Variants in CBLN2 observed in about 807,000 individuals in gnomAD.
The protein encoded by CBLN2 is cerebellin-2.
CBLN2 carries 7 observed loss-of-function variants against 15.0 expected under a neutral mutation model. The ratio of observed to expected loss-of-function variants is 0.47; its 90% CI spans 0.27 to 0.88. The LOEUF (loss-of-function observed/expected upper bound fraction) is 0.88. Among genes scored for constraint, CBLN2 ranks in the 40% least tolerant of loss-of-function variants. The pLI, the probability that CBLN2 is intolerant of heterozygous loss-of-function variation, is 0.14. For missense variants in CBLN2, 242 were observed against 304.5 expected (o/e 0.79, Z 1.53); for synonymous variants, 149 against 135.2 (o/e 1.10, Z -0.71).
intron 1 of CBLN2, among the ~76,000 whole-genome samples, chr18:72,568,521 T>C (rs1164878353): frequency 2.0e-5 from 3 of 151,764 alleles, no homozygotes; most frequent in Non-Finnish European, 4.4e-5. Context: ...CAAGCCAGTC[T>C]TTAAAGTAAT....
chr18:72,601,463 T>G (rs930855758), intron 1 of CBLN2, among the ~76,000 whole-genome samples: 2 of 152,050 alleles, frequency 1.3e-5, no homozygotes, highest in African/African-American at 4.8e-5. Flanking sequence ...GGAAATAGAT[T>G]CCCCTTACAC....
chr18:72,625,698 C>CTA (rs1169851043), intron 1 of CBLN2, among the ~76,000 whole-genome samples: 4,891 of 46,314 alleles, frequency 0.11, 130 homozygotes, highest in African/African-American at 0.14. Flanking sequence ...TATAGTATTA[C>CTA]TATATATATA....
intron 1 of CBLN2, among the ~76,000 whole-genome samples, chr18:72,564,289 G>A (rs903384732): frequency 6.6e-6 from 1 of 152,044 alleles, no homozygotes; most frequent in African/African-American, 2.4e-5. Flanking sequence ...AATGCACATA[G>A]ACAGTTCAAT....
At chr18:72,563,844 C>T (rs939004928) in intron 1 of CBLN2, among the ~76,000 whole-genome samples, 11 of 152,202 alleles carry the variant, frequency 7.2e-5, no homozygotes, top group African/African-American at 2.7e-4. Flanking sequence ...CCCAGCAACT[C>T]ACTCCCAATG....
chr18:72,624,856 G>A (rs1041688256), intron 1 of CBLN2, among the ~76,000 whole-genome samples: 2 of 152,098 alleles, frequency 1.3e-5, no homozygotes, highest in Non-Finnish European at 2.9e-5. Context: ...GGGAGAAGAA[G>A]ACTTTAATAA....
At chr18:72,622,956 G>A (rs747407679) in intron 1 of CBLN2, among the ~76,000 whole-genome samples, 1 of 152,050 alleles carries the variant, frequency 6.6e-6, no homozygotes, top group Non-Finnish European at 1.5e-5. Context: ...GAACTACCTG[G>A]GACTGGGTAA....
intron 1 of CBLN2, among the ~76,000 whole-genome samples, chr18:72,568,503 G>A (rs2069310918): frequency 1.3e-5 from 2 of 151,554 alleles, no homozygotes; most frequent in Admixed American, 1.3e-4. Flanking sequence ...AGATTTTCAT[G>A]AATTTTGCAA....
chr18:72,542,912 CACACA>C (rs2069128548), intron 2 of CBLN2: 1 of 19,338 alleles, frequency 5.2e-5, no homozygotes, highest in African/African-American at 1.9e-4. Flanking sequence ...AATGACACCA[CACACA>C]CACACACACA....
At chr18:72,635,624 A>T (rs1468330192) in intron 1 of CBLN2, among the ~76,000 whole-genome samples, 1 of 152,190 alleles carries the variant, frequency 6.6e-6, no homozygotes, top group Admixed American at 6.5e-5. Flanking sequence ...ATTTTTTAGG[A>T]AAATAAATAT....
chr18:72,542,291 G>A lies in CBLN2; in HGVS notation c.-131C>T. The A allele has an allele frequency of 2.1e-6, 1 of 468,682 alleles. No individual in the cohort carries two copies. The highest frequency in any genetic ancestry group is 2.1e-5 in the African/African-American group (1 of 47,842). 29.0% of individuals were successfully genotyped at this position (468,682 alleles called of 1,614,324 possible). ...TTCGTCCCCGGCTCTGACGTTCAAG[G>A]CCAGGGTCGTTCTCAGAAGAAAGGC... On this transcript the variant is annotated 5_prime_UTR_variant, in exon 3 of 5. Coordinates refer to ENST00000269503, the MANE Select transcript of CBLN2 (RefSeq NM_182511.4).
intron 1 of CBLN2, among the ~76,000 whole-genome samples, chr18:72,625,787 A>ACTCT (rs374437409): frequency 1.1e-3 from 88 of 79,464 alleles, no homozygotes; most frequent in African/African-American, 3.0e-3. Context: ...TATATATATG[A>ACTCT]CTCTCTCTCT....
chr18:72,538,640 C>G lies in CBLN2; in HGVS notation c.477+13G>C, dbSNP rs1598986198. ...ACTCAAACCTGAAAGGATCCAGTTTCAAATCTACCCACCTGGATGGTTTGT... is the reference window on the plus strand; with the variant it reads ...ACTCAAACCTGAAAGGATCCAGTTTGAAATCTACCCACCTGGATGGTTTGT... On this transcript the variant is annotated intron_variant, in intron 4 of 4. Transcript: ENST00000269503. The G allele has an allele frequency of 3.7e-6, 6 of 1,613,324 alleles. No homozygotes were observed. In the East Asian group the frequency reaches 1.3e-4, roughly 36 times the overall value.
At chr18:72,549,099 C>G (rs771028254), upstream of CBLN2, among the ~76,000 whole-genome samples, 24 of 152,136 alleles carry the variant, frequency 1.6e-4, no homozygotes, top group Non-Finnish European at 2.6e-4. Context: ...GCAGCCTCTG[C>G]CTTCTGGATT....
chr18:72,541,528 A>G lies in CBLN2; in HGVS notation c.357+276T>C, dbSNP rs573002482. ...AAACATATTTCAAATCTTTAGGTTT[A>G]CGGAACTCTTAGAAAGCTTAGACAG... On this transcript the variant is annotated intron_variant, in intron 3 of 4. Transcript: ENST00000269503. 2.0e-5 allele frequency among the ~76,000 whole-genome samples: 3 copies of G among 152,350 alleles called. No individual in the cohort carries two copies. In the South Asian group the frequency reaches 6.2e-4, roughly 32 times the overall value.
intron 1 of CBLN2, among the ~76,000 whole-genome samples, chr18:72,633,006 CT>C (rs1197777292): frequency 6.6e-6 from 1 of 152,166 alleles, no homozygotes; most frequent in African/African-American, 2.4e-5. Context: ...CTTAGTGTAA[CT>C]ATAGCTCAAT....
At chr18:72,611,157 T>C (rs1019672385) in intron 1 of CBLN2, among the ~76,000 whole-genome samples, 17 of 152,216 alleles carry the variant, frequency 1.1e-4, no homozygotes, top group African/African-American at 3.6e-4. Context: ...GATATGTAGG[T>C]TGATTCCACA....
At position 72,538,153 on chromosome 18, in the gene CBLN2, C is replaced by T; in HGVS notation, c.*23G>A. ...GTCCTGGGTCCAGTTTGCCATTCCCCCACCATCTAGGGGGCTCTGTGTTTA... is the reference window on the plus strand; with the variant it reads ...GTCCTGGGTCCAGTTTGCCATTCCCTCACCATCTAGGGGGCTCTGTGTTTA... On this transcript the variant is annotated 3_prime_UTR_variant, in exon 5 of 5. Transcript: ENST00000269503. 6.2e-7 allele frequency: 1 copy of T among 1,613,640 alleles called. No individual in the cohort carries two copies. The highest frequency in any genetic ancestry group is 8.5e-7 in the Non-Finnish European group (1 of 1,179,622).
intron 1 of CBLN2, among the ~76,000 whole-genome samples, chr18:72,561,387 A>C (rs1393718768): frequency 6.6e-6 from 1 of 152,188 alleles, no homozygotes; most frequent in Non-Finnish European, 1.5e-5. Flanking sequence ...CTGATTACTT[A>C]AACCCTGTTA....
chr18:72,634,510 A>T (rs1159223485), intron 1 of CBLN2, among the ~76,000 whole-genome samples: 1 of 152,118 alleles, frequency 6.6e-6, no homozygotes, highest in African/African-American at 2.4e-5. Context: ...CTTTCCTGGG[A>T]ATGTAGGAAC....
Sources: gnomAD v4.1 joint callset for allele counts (sites outside exome capture counted in the v4.1 genomes callset) on GRCh38, gnomAD v4.1.1 for gene constraint, MANE v1.5 for transcripts, NCBI Gene and HGNC (gene_info 2026-07-23, HGNC 2026-07-21) for gene names.